The following RAD50 variants were observed in gnomAD, a reference collection of about 807,000 sequenced individuals.
RAD50 encodes the protein RAD50 double strand break repair protein, also known as DNA repair protein RAD50.
A neutral mutation model predicts 168.8 loss-of-function variants in RAD50; 132 were observed. The observed-to-expected ratio is 0.78, with a 90% confidence interval of 0.68 to 0.90. The LOEUF (loss-of-function observed/expected upper bound fraction) is 0.90. Among genes scored for constraint, RAD50 ranks in the 40% least tolerant of loss-of-function variants. RAD50 has a pLI of 0.00. For synonymous variants in RAD50, 525 were observed against 497.4 expected (o/e 1.06, Z -0.74); for missense variants, 1,347 against 1,534.4 (o/e 0.88, Z 2.04).
intron 21 of RAD50, among the ~76,000 whole-genome samples, chr5:132,624,102 A>G (rs1037102563): frequency 3.3e-5 from 5 of 152,338 alleles, no homozygotes; most frequent in Admixed American, 1.3e-4. Context: ...TTTTGAGAGT[A>G]TTCCATGGAT....
At chr5:132,636,459 A>AT (rs144491315) in intron 21 of RAD50, among the ~76,000 whole-genome samples, 5,274 of 152,286 alleles carry the variant, frequency 0.035, 293 homozygotes, top group African/African-American at 0.12. Context: ...GAATCTGTGA[A>AT]GGAAAGGTAA....
At chr5:132,628,859 A>AG (rs1751414262) in intron 21 of RAD50, among the ~76,000 whole-genome samples, 1 of 152,156 alleles carries the variant, frequency 6.6e-6, no homozygotes, top group Non-Finnish European at 1.5e-5. Flanking sequence ...GAAAAAAAAA[A>AG]GAAAAAGAAA....
chr5:132,597,875 G>A (rs1427983874), intron 13 of RAD50, among the ~76,000 whole-genome samples: 1 of 151,986 alleles, frequency 6.6e-6, no homozygotes, highest in African/African-American at 2.4e-5. Flanking sequence ...AGAATAAAAA[G>A]GAAGGAGAGG....
chr5:132,575,682 C>G (rs1253213887), intron 2 of RAD50, 95 bp from the exon 3 acceptor site: 16 of 1,194,686 alleles, frequency 1.3e-5, no homozygotes, highest in Non-Finnish European at 2.0e-5. Context: ...CTTTTTGTTC[C>G]CTCATTTTGG....
chr5:132,557,406 T>C lies in RAD50; in HGVS notation c.82T>C (p.Phe28Leu). Residue 28 changes from phenylalanine (F) to leucine (L), a missense_variant, in exon 1 of 25, where the codon TTC becomes CTC. Physicochemically the swap from Phe to Leu is conservative, Grantham distance 22 (BLOSUM62 0). This residue lies in a region of RAD50 where 703 missense variants were observed against 767.7 expected (regional missense o/e 0.92). Coordinates refer to ENST00000378823, the MANE Select transcript of RAD50 (RefSeq NM_005732.4). ...CAAAGATAAGCAAATTATCACTTTC[T>C]TCAGCCCCCTTACAATTTTGGTTGG... ...EDKDKQIITF[F>L]SPLTILVGPN... 1 of 1,614,210 alleles carries C rather than the reference T, an allele frequency of 6.2e-7. No individual in the cohort carries two copies. Among genetic ancestry groups the C allele is most frequent in the Non-Finnish European group, 8.5e-7 (1 of 1,179,984 alleles).
intron 19 of RAD50, among the ~76,000 whole-genome samples, chr5:132,614,779 A>G (rs544829317): frequency 1.6e-4 from 24 of 151,824 alleles, no homozygotes; most frequent in Non-Finnish European, 3.1e-4. Flanking sequence ...TTGTATGTTT[A>G]TATTATTTCC....
At chr5:132,567,455 T>A (rs561795458) in intron 2 of RAD50, among the ~76,000 whole-genome samples, 3 of 152,296 alleles carry the variant, frequency 2.0e-5, no homozygotes, top group African/African-American at 7.2e-5. Flanking sequence ...CTGGGCAGAA[T>A]TGGGCATCAC....
In RAD50 at chr5:132,616,095, G is replaced by A. The variant is rs1426323136; in HGVS notation, c.3129G>A (p.Lys1043=). 1.9e-6 allele frequency: 3 copies of A among 1,613,192 alleles called. No homozygotes were observed. The highest frequency in any genetic ancestry group is 2.5e-6 in the Non-Finnish European group (3 of 1,179,436). ...EVEEERKQHL[K]EMGQMQVLQM... is the part of the protein sequence containing the mutation. ...AAGAAGAAAGAAAACAACATTTGAA[G>A]GAAATGGGTCAAATGCAGGTTTTGC... is the stretch of plus-strand genomic sequence containing the variant. Residue 1043 remains lysine, a synonymous_variant, in exon 20 of 25, where the codon AAG becomes AAA. Coordinates refer to ENST00000378823, the MANE Select transcript of RAD50 (RefSeq NM_005732.4).
At chr5:132,613,222 C>T (rs1384252602) in intron 19 of RAD50, among the ~76,000 whole-genome samples, 2 of 152,086 alleles carry the variant, frequency 1.3e-5, no homozygotes, top group African/African-American at 4.8e-5. Context: ...CTGATTTAAG[C>T]CCTGCTAAAT....
intron 2 of RAD50, among the ~76,000 whole-genome samples, chr5:132,567,246 A>G (rs937191362): frequency 3.3e-5 from 5 of 152,150 alleles, no homozygotes; most frequent in Non-Finnish European, 5.9e-5. Context: ...TGAGTATCAC[A>G]CTTATACTCG....
At chr5:132,583,857 C>G (rs1399168038) in intron 5 of RAD50, among the ~76,000 whole-genome samples, 1 of 151,922 alleles carries the variant, frequency 6.6e-6, no homozygotes. Context: ...CCATACCCAG[C>G]TAATTTTTTT....
At chr5:132,557,650 C>T (rs191824562) in intron 1 of RAD50, among the ~76,000 whole-genome samples, 197 bp downstream of exon 1, 4 of 152,266 alleles carry the variant, frequency 2.6e-5, no homozygotes, top group Admixed American at 2.6e-4. Flanking sequence ...GAAGGATGTC[C>T]GGACCTGGCC....
intron 5 of RAD50, among the ~76,000 whole-genome samples, chr5:132,581,142 C>T (rs1315778810): frequency 2.6e-5 from 4 of 151,862 alleles, no homozygotes; most frequent in Non-Finnish European, 5.9e-5. Flanking sequence ...CTTTTGTTGC[C>T]CAGGCTGGAG....
intron 21 of RAD50, among the ~76,000 whole-genome samples, chr5:132,618,869 A>C (rs1298809994): frequency 6.6e-6 from 1 of 152,196 alleles, no homozygotes; most frequent in Non-Finnish European, 1.5e-5. Flanking sequence ...ATCCACTTAG[A>C]TGCTCCCTTC....
chr5:132,626,517 C>T (rs1751374671), intron 21 of RAD50, among the ~76,000 whole-genome samples: 1 of 152,152 alleles, frequency 6.6e-6, no homozygotes, highest in African/African-American at 2.4e-5. Flanking sequence ...CAGAAAAGCT[C>T]AGAGGCGATT....
rs538923200 is a variant in RAD50, at chr5:132,623,417, G to A, written c.3389+5123G>A. Among the ~76,000 whole-genome samples the A allele has an allele frequency of 1.8e-3, 267 of 152,268 alleles. 1 individual carries two copies. The highest frequency in any genetic ancestry group is 6.2e-3 in the African/African-American group (257 of 41,574). On this transcript the variant is annotated intron_variant, in intron 21 of 24. Transcript: ENST00000378823. ...GAATCGCTTGAACTGGGAAGTAGAG[G>A]TTGCAGTGAGCCAAGATTGCACCAC... is the stretch of plus-strand genomic sequence containing the variant.
intron 20 of RAD50, 102 bp downstream of exon 20, chr5:132,616,232 T>A: frequency 8.2e-7 from 1 of 1,213,246 alleles, no homozygotes; most frequent in Non-Finnish European, 1.2e-6. Context: ...CTCAGCCTGG[T>A]ATCCTTTGAG....
rs1158328923 is a variant in RAD50, at chr5:132,642,589, C to T, written c.*225C>T. On this transcript the variant is annotated 3_prime_UTR_variant, in exon 25 of 25. Transcript: ENST00000378823. ...TTGCTGCTCTTCATCCCATTCCAGG[C>T]AGCCTCTGTCAGGCCTTCAGGGTTC... The T allele has an allele frequency of 1.2e-5, 7 of 570,736 alleles. No individual in the cohort carries two copies. The highest frequency in any genetic ancestry group is 1.9e-5 in the Non-Finnish European group (6 of 324,136). The allele number at this position is 570,736 out of a possible 1,614,324, so 35.4% of individuals were successfully genotyped here.
chr5:132,610,000 G>A (rs961190177), intron 19 of RAD50, among the ~76,000 whole-genome samples: 1 of 149,510 alleles, frequency 6.7e-6, no homozygotes, highest in Non-Finnish European at 1.5e-5. Flanking sequence ...TATACCAGCA[G>A]ATAGGTAGAT....
Sources: allele counts gnomAD v4.1 joint callset (sites outside exome capture counted in the v4.1 genomes callset), GRCh38; gene constraint gnomAD v4.1.1; regional missense constraint gnomAD v4.1.1; transcripts MANE v1.5; gene names NCBI Gene and HGNC (gene_info 2026-07-23, HGNC 2026-07-21).